The following RAB11FIP3 variants were observed in gnomAD, a reference collection of about 807,000 sequenced individuals.
RAB11FIP3 encodes RAB11 family interacting protein 3.
In RAB11FIP3, 17 loss-of-function variants were observed where a neutral mutation model predicts 77.8. The ratio of observed to expected loss-of-function variants is 0.22; its 90% CI spans 0.15 to 0.33. The LOEUF (loss-of-function observed/expected upper bound fraction) is 0.33. Ranked by LOEUF, RAB11FIP3 falls within the 10% of genes least tolerant of loss-of-function variation. The pLI is 1.00. For synonymous variants in RAB11FIP3, 437 were observed against 448.2 expected (o/e 0.98, Z 0.31); for missense variants, 1,005 against 1,011.2 (o/e 0.99, Z 0.08).
chr16:492,393 T>TCCCGGGAGACCCGAGGCCGCCCAGAGCCC (rs2030453508), intron 5 of RAB11FIP3, among the ~76,000 whole-genome samples: 2 of 48,238 alleles, frequency 4.1e-5, no homozygotes, highest in African/African-American at 2.1e-4. Flanking sequence ...CCCAGAGCCC[T>TCCCGGGAGACCCGAGGCCGCCCAGAGCCC]CCCCGGGAGA....
rs1366911672 is a variant in RAB11FIP3, at chr16:521,721, G to C, written c.*882G>C. The C allele has an allele frequency of 1.3e-5, 2 of 152,310 alleles. No individual in the cohort carries two copies. The highest frequency in any genetic ancestry group is 1.5e-5 in the Non-Finnish European group (1 of 68,112). The allele number at this position is 152,310 out of a possible 1,614,324, so 9.4% of individuals were successfully genotyped here. On this transcript the variant is annotated 3_prime_UTR_variant, in exon 14 of 14. Transcript: ENST00000262305. ...CCAGGTGCTGCTTCTCCACAGGTGC[G>C]GCCTGGCCCGGCCTCCTAAAGGCCA...
At chr16:484,989 C>A (rs963943832) in intron 4 of RAB11FIP3, among the ~76,000 whole-genome samples, 1 of 152,122 alleles carries the variant, frequency 6.6e-6, no homozygotes, top group African/African-American at 2.4e-5. Flanking sequence ...GGGGGGCATG[C>A]AGAGACCCTG....
intron 8 of RAB11FIP3, among the ~76,000 whole-genome samples, chr16:509,405 G>C (rs1161391492): frequency 6.6e-6 from 1 of 152,236 alleles, no homozygotes; most frequent in Non-Finnish European, 1.5e-5. Context: ...GCCACTTCCT[G>C]TTGAAAGCTT....
At position 507,106 on chromosome 16, in the gene RAB11FIP3, A is replaced by T. The variant is rs1299648883; in HGVS notation, c.1499+1479A>T. ...TGGGACTACAGGTGTGCACCACCAC[A>T]CCCAGCTTTTTTTTTTTTTTTTTTG... On this transcript the variant is annotated intron_variant, in intron 8 of 13. Coordinates refer to ENST00000262305, the MANE Select transcript of RAB11FIP3 (RefSeq NM_014700.4). This position sits in a 1 kb window ranked among gnomAD's most constrained non-coding sequence, Gnocchi z 4.6. Among the ~76,000 whole-genome samples the T allele has an allele frequency of 1.4e-5, 2 of 139,286 alleles. No homozygotes were observed. The highest frequency in any genetic ancestry group is 3.1e-5 in the Non-Finnish European group (2 of 64,928). 91.4% of individuals were successfully genotyped at this position (139,286 alleles called of 152,430 possible). A position where few individuals can be genotyped will look rare whatever the true frequency, so the allele number is the denominator to read the frequency against.
At chr16:510,180 C>T (rs2032071630) in intron 8 of RAB11FIP3, among the ~76,000 whole-genome samples, 1 of 149,686 alleles carries the variant, frequency 6.7e-6, no homozygotes, top group Non-Finnish European at 1.5e-5. Context: ...CGTCCCGAGT[C>T]CCCGTGCCTC....
chr16:471,333 C>G lies in RAB11FIP3; in HGVS notation c.847C>G (p.Gln283Glu). Residue 283 changes from glutamine to glutamate, a missense_variant, in exon 3 of 14, where the codon CAA (glutamine) becomes GAA (glutamate). Gln to Glu is a conservative substitution (Grantham distance 29). Transcript: ENST00000262305. This position sits in a 1 kb window ranked among gnomAD's most constrained non-coding sequence, Gnocchi z 4.4. ...GQCYGGVASAQDEEPLACPDE... is the reference protein window; with the variant it reads ...GQCYGGVASAEDEEPLACPDE... ...GTGCTACGGTGGTGTCGCTTCTGCCCAAGATGAGGAGCCCCTGGCCTGCCC... is the reference window on the plus strand; with the variant it reads ...GTGCTACGGTGGTGTCGCTTCTGCCGAAGATGAGGAGCCCCTGGCCTGCCC... The G allele has an allele frequency of 6.2e-7, 1 of 1,614,022 alleles. No individual in the cohort carries two copies.
chr16:439,497 CT>C (rs1201906890), intron 1 of RAB11FIP3: 1 of 152,222 alleles, frequency 6.6e-6, no homozygotes, highest in Non-Finnish European at 1.5e-5. Flanking sequence ...AGCCAGTGTC[CT>C]GTGTGTGCCA....
intron 1 of RAB11FIP3, among the ~76,000 whole-genome samples, chr16:443,471 G>T (rs541053157): frequency 1.6e-4 from 24 of 152,298 alleles, no homozygotes; most frequent in South Asian, 6.2e-4. Context: ...AACAAAACCA[G>T]AGTCATAATT....
Position 426,578 on chromosome 16 carries a change from AC to A in RAB11FIP3, c.577del (p.Leu193PhefsTer47). 3 of 1,589,202 alleles carry A rather than the reference AC, an allele frequency of 1.9e-6. No homozygotes were observed. The highest frequency in any genetic ancestry group is 2.6e-6 in the Non-Finnish European group (3 of 1,169,538). ...CAGCCCTCGGACCTCAGCCAGACCC[AC>A]CCCCTTCCGAGCGAGCCCGTGGGGA... ...PPQPSDLSQTHPLPSEPVGSQ... is the reference protein window; with the variant it reads ...PPQPSDLSQTXPLPSEPVGSQ... On this transcript the variant is annotated frameshift_variant, in exon 1 of 14. Coordinates refer to ENST00000262305, the MANE Select transcript of RAB11FIP3 (RefSeq NM_014700.4). LOFTEE classifies it high-confidence loss of function. The surrounding 1 kb of genome is among the most constrained non-coding windows in gnomAD (Gnocchi z 5.0).
chr16:482,826 G>C (rs1368130011), intron 4 of RAB11FIP3, 90 bp downstream of exon 4: 1 of 1,345,298 alleles, frequency 7.4e-7, no homozygotes, highest in Non-Finnish European at 1.0e-6. Flanking sequence ...TCTTGGAGGA[G>C]TGCGTGCTGG....
chr16:519,797 G>T lies in RAB11FIP3; in HGVS notation c.1766G>T (p.Arg589Leu). ...GATGAGATAGAGTCGCTGACGCTGC[G>T]GCTCAGTGAAGAGCAGGAGAACAAG... Reference protein sequence around the residue: ...LLDEIESLTLRLSEEQENKRR... With the variant: ...LLDEIESLTLLLSEEQENKRR... Residue 589 changes from arginine to leucine, a missense_variant, in exon 11 of 14, where the codon CGG becomes CTG. By Grantham distance (102) the Arg-to-Leu change is moderately radical. This residue lies in a region of RAB11FIP3 where 433 missense variants were observed against 436.1 expected (regional missense o/e 0.99). Coordinates refer to ENST00000262305, the MANE Select transcript of RAB11FIP3 (RefSeq NM_014700.4). 6.2e-7 allele frequency: 1 copy of T among 1,610,514 alleles called. No homozygotes were observed. The highest frequency in any genetic ancestry group is 8.5e-7 in the Non-Finnish European group (1 of 1,178,686).
At chr16:438,361 C>T (rs1395945191) in intron 1 of RAB11FIP3, among the ~76,000 whole-genome samples, 1 of 151,430 alleles carries the variant, frequency 6.6e-6, no homozygotes, top group Non-Finnish European at 1.5e-5. Flanking sequence ...CCACCTCGGC[C>T]TCCCAGAGGG....
chr16:482,314 C>G (rs1340935216), intron 3 of RAB11FIP3: 1 of 694,524 alleles, frequency 1.4e-6, no homozygotes, highest in Non-Finnish European at 2.6e-6. Context: ...CCGAGGCCTC[C>G]GAAAGTACTG....
intron 1 of RAB11FIP3, among the ~76,000 whole-genome samples, chr16:458,620 A>ACAGGGCCTGGGGGGCCTTCCTCAGAT: frequency 6.6e-6 from 1 of 151,858 alleles, no homozygotes. Flanking sequence ...ACCGATGCTC[A>ACAGGGCCTGGGGGGCCTTCCTCAGAT]TCTGCCGTAA....
intron 5 of RAB11FIP3, among the ~76,000 whole-genome samples, chr16:493,746 A>C (rs957690736): frequency 6.1e-5 from 9 of 148,484 alleles, no homozygotes; most frequent in Non-Finnish European, 8.9e-5. Flanking sequence ...AGCTGGGACT[A>C]CAGGCGCCCA....
intron 5 of RAB11FIP3, among the ~76,000 whole-genome samples, chr16:495,544 C>A (rs1467317900): frequency 6.6e-6 from 1 of 152,184 alleles, no homozygotes; most frequent in African/African-American, 2.4e-5. Context: ...TGTCGGAGGG[C>A]CCTGCAGAGA....
At chr16:448,435 C>T (rs2055352552) in intron 1 of RAB11FIP3, among the ~76,000 whole-genome samples, 1 of 151,552 alleles carries the variant, frequency 6.6e-6, no homozygotes, top group Non-Finnish European at 1.5e-5. Context: ...GAAACGCCGT[C>T]TACTAAAAAT....
chr16:433,311 G>A (rs370229287), intron 1 of RAB11FIP3, among the ~76,000 whole-genome samples: 6 of 142,294 alleles, frequency 4.2e-5, no homozygotes, highest in Non-Finnish European at 6.1e-5. Context: ...GATTACAGGC[G>A]TGAGCCACCG....
chr16:448,782 G>A (rs1210033459), intron 1 of RAB11FIP3, among the ~76,000 whole-genome samples: 8 of 150,648 alleles, frequency 5.3e-5, no homozygotes, highest in African/African-American at 1.5e-4. Flanking sequence ...GGGCGTGGTG[G>A]TGCATGCCTG....
Sources: allele counts gnomAD v4.1 joint callset (sites outside exome capture counted in the v4.1 genomes callset), GRCh38; gene constraint gnomAD v4.1.1; regional missense constraint gnomAD v4.1.1; non-coding constraint Gnocchi (gnomAD v3.1); transcripts MANE v1.5; gene names NCBI Gene and HGNC (gene_info 2026-07-23, HGNC 2026-07-21).